Variants in ARK2C observed in about 807,000 individuals in gnomAD.
ARK2C encodes arkadia (RNF111) C-terminal like ring finger ubiquitin ligase 2C, also known as E3 ubiquitin-protein ligase ARK2C.
At chr18:46,352,418 C>G in the ARK2C span, among the ~76,000 whole-genome samples, 1 of 152,200 alleles carries the variant, frequency 6.6e-6, no homozygotes, top group Non-Finnish European at 1.5e-5. Context: ...TATGGAGACT[C>G]TCATGTCCCA....
the ARK2C span, chr18:46,456,688 G>A: frequency 7.7e-7 from 1 of 1,303,514 alleles, no homozygotes; most frequent in Non-Finnish European, 1.1e-6. Context: ...TCCCCCCACG[G>A]CCATAGCCCT....
At chr18:46,439,878 T>G in the ARK2C span, among the ~76,000 whole-genome samples, 1 of 152,202 alleles carries the variant, frequency 6.6e-6, no homozygotes, top group Non-Finnish European at 1.5e-5. Context: ...GTCGCCAGGC[T>G]GGAATGAAGT....
chr18:46,420,133 C>T, the ARK2C span, among the ~76,000 whole-genome samples: 1 of 152,188 alleles, frequency 6.6e-6, no homozygotes, highest in Non-Finnish European at 1.5e-5. Context: ...GGCGCCTCCA[C>T]TCACCGGCTG....
chr18:46,411,406 G>A, the ARK2C span, among the ~76,000 whole-genome samples: 1 of 152,210 alleles, frequency 6.6e-6, no homozygotes, highest in Non-Finnish European at 1.5e-5. Context: ...TAGGACGTAT[G>A]CTCTGAGTCA....
At chr18:46,394,505 C>G in the ARK2C span, among the ~76,000 whole-genome samples, 1 of 152,204 alleles carries the variant, frequency 6.6e-6, no homozygotes, top group South Asian at 2.1e-4. Context: ...CCATCCTCCA[C>G]CTTCCCCCCA....
chr18:46,428,542 C>T, the ARK2C span, among the ~76,000 whole-genome samples: 5 of 152,168 alleles, frequency 3.3e-5, no homozygotes, highest in African/African-American at 7.2e-5. Context: ...GCTCTGTGTA[C>T]GGAGTTGGCT....
At chr18:46,356,406 G>C in the ARK2C span, among the ~76,000 whole-genome samples, 1 of 152,094 alleles carries the variant, frequency 6.6e-6, no homozygotes, top group Admixed American at 6.5e-5. Flanking sequence ...ATGCTGGAGT[G>C]GGGGTGGGGA....
At chr18:46,444,971 A>G in the ARK2C span, among the ~76,000 whole-genome samples, 1 of 151,684 alleles carries the variant, frequency 6.6e-6, no homozygotes, top group East Asian at 1.9e-4. Context: ...TTTCTTTTGT[A>G]TATTTGAATA....
chr18:46,461,246 G>C, the ARK2C span: 1 of 152,296 alleles, frequency 6.6e-6, no homozygotes, highest in Non-Finnish European at 1.5e-5. Flanking sequence ...GGTGAGTGAG[G>C]AGAACTGGGA....
the ARK2C span, among the ~76,000 whole-genome samples, chr18:46,373,636 C>G: frequency 1.3e-5 from 2 of 152,258 alleles, no homozygotes; most frequent in East Asian, 1.9e-4. Context: ...TGCTGCCACA[C>G]TGGCTCCTCG....
At chr18:46,334,486 A>G in the ARK2C span, 1 of 608,776 alleles carries the variant, frequency 1.6e-6, no homozygotes, top group Non-Finnish European at 2.5e-6. The surrounding 1 kb of genome is among the most constrained non-coding windows in gnomAD (Gnocchi z 4.4). Context: ...TTTTAGGGGG[A>G]CCCCCGAGGG....
At chr18:46,336,083 G>T in the ARK2C span, 1 of 985,168 alleles carries the variant, frequency 1.0e-6, no homozygotes, top group Non-Finnish European at 1.2e-6. Flanking sequence ...AAGAAAGAGG[G>T]GGGCTGGATG....
At chr18:46,359,510 T>C in the ARK2C span, among the ~76,000 whole-genome samples, 1 of 152,172 alleles carries the variant, frequency 6.6e-6, no homozygotes, top group African/African-American at 2.4e-5. Flanking sequence ...TGGCTTGTCC[T>C]GGGAATAGCA....
chr18:46,445,117 T>A, the ARK2C span, among the ~76,000 whole-genome samples: 2 of 152,182 alleles, frequency 1.3e-5, no homozygotes, highest in Admixed American at 6.5e-5. Context: ...ATGATGAACA[T>A]CATTTATGAA....
At chr18:46,394,401 G>A in the ARK2C span, among the ~76,000 whole-genome samples, 2 of 152,102 alleles carry the variant, frequency 1.3e-5, no homozygotes. Context: ...GTTCACTCTC[G>A]GAGATGACAC....
At chr18:46,338,705 C>T in the ARK2C span, among the ~76,000 whole-genome samples, 1 of 151,994 alleles carries the variant, frequency 6.6e-6, no homozygotes, top group South Asian at 2.1e-4. Context: ...TTGTCAATTA[C>T]ACCTATTCAA....
At chr18:46,353,567 C>T in the ARK2C span, among the ~76,000 whole-genome samples, 3 of 152,150 alleles carry the variant, frequency 2.0e-5, no homozygotes, top group African/African-American at 7.2e-5. Context: ...GGGATGTTAC[C>T]TAAAAACCCT....
the ARK2C span, among the ~76,000 whole-genome samples, chr18:46,404,147 C>T: frequency 7.9e-5 from 12 of 152,204 alleles, no homozygotes; most frequent in Middle Eastern, 3.4e-3. Context: ...ATATGATTTA[C>T]GGTCTAAAAC....
the ARK2C span, among the ~76,000 whole-genome samples, chr18:46,375,362 G>A: frequency 2.0e-5 from 3 of 151,982 alleles, no homozygotes; most frequent in South Asian, 2.1e-4. Context: ...ACACCAGTCT[G>A]GGCAACATGG....
Sources: gnomAD v4.1 joint callset for allele counts (sites outside exome capture counted in the v4.1 genomes callset) on GRCh38, gnomAD v4.1.1 for gene constraint, Gnocchi (gnomAD v3.1) non-coding constraint, MANE v1.5 for transcripts, NCBI Gene and HGNC (gene_info 2026-07-23, HGNC 2026-07-21) for gene names.